ARHGAP22: variants seen among roughly 807,000 people sequenced by gnomAD.
ARHGAP22 encodes Rho GTPase activating protein 22.
In ARHGAP22, 48 loss-of-function variants were observed where a neutral mutation model predicts 59.1. That is an observed-to-expected ratio of 0.81 (90% CI 0.64 to 1.03). The LOEUF (loss-of-function observed/expected upper bound fraction) is 1.03. Among genes scored for constraint, ARHGAP22 ranks in the 50% least tolerant of loss-of-function variants. The probability of loss-of-function intolerance (pLI) is 0.00; values close to 1 mark genes in which losing one functional copy is unlikely to be tolerated. For synonymous variants in ARHGAP22, 445 were observed against 416.4 expected, an observed-to-expected ratio of 1.07 and a Z score of -0.84; for missense variants, 1,015 against 958.7, an observed-to-expected ratio of 1.06 and a Z score of -0.78.
At chr10:48,589,412 A>G (rs779405176) in intron 1 of ARHGAP22, among the ~76,000 whole-genome samples, 14 of 152,062 alleles carry the variant, frequency 9.2e-5, no homozygotes, top group Non-Finnish European at 1.8e-4. Flanking sequence ...TCTCTATTTC[A>G]TTATGAATCC....
intron 2 of ARHGAP22, among the ~76,000 whole-genome samples, chr10:48,569,245 G>T (rs2058251510): frequency 6.6e-6 from 1 of 152,206 alleles, no homozygotes; most frequent in Non-Finnish European, 1.5e-5. Flanking sequence ...CCCTGGCTGT[G>T]CCAGGCTGAT....
chr10:48,461,020 C>T (rs1323035538), intron 4 of ARHGAP22, among the ~76,000 whole-genome samples: 1 of 152,204 alleles, frequency 6.6e-6, no homozygotes, highest in East Asian at 1.9e-4. Context: ...CACAGAGTCT[C>T]AGCTTTGCAA....
intron 3 of ARHGAP22, among the ~76,000 whole-genome samples, chr10:48,502,756 T>A (rs1227447780): frequency 1.3e-5 from 2 of 152,218 alleles, no homozygotes; most frequent in Admixed American, 6.5e-5. Flanking sequence ...TATCCCATTC[T>A]TCCTCCCATA....
intron 1 of ARHGAP22, among the ~76,000 whole-genome samples, chr10:48,636,245 A>C (rs1427866363): frequency 6.6e-6 from 1 of 152,186 alleles, no homozygotes; most frequent in Non-Finnish European, 1.5e-5. Flanking sequence ...CGATAAAGGC[A>C]TGTTAGCTGT....
At chr10:48,596,346 G>T (rs2060065795) in intron 1 of ARHGAP22, among the ~76,000 whole-genome samples, 1 of 152,200 alleles carries the variant, frequency 6.6e-6, no homozygotes, top group Non-Finnish European at 1.5e-5. Flanking sequence ...GCTAACGGGG[G>T]ACAGATGCCC....
At chr10:48,628,809 G>A (rs1234657184) in intron 1 of ARHGAP22, among the ~76,000 whole-genome samples, 1 of 152,050 alleles carries the variant, frequency 6.6e-6, no homozygotes, top group East Asian at 1.9e-4. Context: ...ATAGGACATG[G>A]GGCCACAGTG....
rs758362629 is a variant in ARHGAP22, at chr10:48,450,862, G to T, written c.1267C>A (p.Gln423Lys). 1.3e-6 allele frequency: 2 copies of T among 1,590,610 alleles called. No individual in the cohort carries two copies. The highest frequency in any genetic ancestry group is 2.2e-5 in the East Asian group (1 of 44,616). Residue 423 changes from glutamine (Q) to lysine (K), a missense_variant, in exon 9 of 10, where the codon CAG becomes AAG. Transcript: ENST00000249601. ...GSRCSPGKKV[Q>K]TLPSWKSSFR... Reference sequence around the variant, plus strand: ...GAGGACTTCCAACTGGGCAGGGTCTGCACCTTCTTCCCAGGGCTGCACCGG... The same window carrying T: ...GAGGACTTCCAACTGGGCAGGGTCTTCACCTTCTTCCCAGGGCTGCACCGG...
At chr10:48,547,758 G>C (rs115373132) in intron 3 of ARHGAP22, among the ~76,000 whole-genome samples, 1 of 152,242 alleles carries the variant, frequency 6.6e-6, no homozygotes. Context: ...AATTGCTCCT[G>C]AGTGTGGGGG....
intron 4 of ARHGAP22, among the ~76,000 whole-genome samples, chr10:48,474,162 A>G (rs541352866): frequency 6.6e-6 from 1 of 152,218 alleles, no homozygotes; most frequent in South Asian, 2.1e-4. Flanking sequence ...TATAAGTTTT[A>G]TACTTTTTTT....
chr10:48,437,493 T>C, the ARHGAP22 span: 1 of 152,224 alleles, frequency 6.6e-6, no homozygotes, highest in Non-Finnish European at 1.5e-5. Context: ...AAAGTTATTT[T>C]GACCAAGATT....
chr10:48,615,666 G>C, intron 1 of ARHGAP22, among the ~76,000 whole-genome samples: 1 of 152,164 alleles, frequency 6.6e-6, no homozygotes. Context: ...TCAGATATTG[G>C]ACTTACTAGA....
chr10:48,557,155 T>C lies in ARHGAP22; in HGVS notation c.235-1605A>G, dbSNP rs909124378. 4.6e-5 allele frequency among the ~76,000 whole-genome samples: 7 copies of C among 152,320 alleles called. No individual in the cohort carries two copies. The East Asian group carries it at 1.2e-3, about 25-fold the overall frequency. ...ACTTTCTTGCTAGAGAACTTGGAGC[T>C]ACTGGAAATACATTAGGATAGCAGC... On this transcript the variant is annotated intron_variant, in intron 2 of 9. Transcript: ENST00000249601.
exon 1 of ARHGAP22, chr10:48,652,420 A>C: frequency 1.4e-6 from 1 of 737,024 alleles, no homozygotes; most frequent in Non-Finnish European, 2.3e-6. Context: ...ATATATTTAG[A>C]ATGCCCTTTA....
chr10:48,443,212 T>G (rs754872439), downstream of ARHGAP22, among the ~76,000 whole-genome samples: 1 of 152,190 alleles, frequency 6.6e-6, no homozygotes, highest in Non-Finnish European at 1.5e-5. Context: ...TGTACAGACA[T>G]GCTCAAGAGT....
At chr10:48,493,462 T>A (rs1443733444) in intron 3 of ARHGAP22, 8 of 1,536,074 alleles carry the variant, frequency 5.2e-6, no homozygotes, top group Non-Finnish European at 7.0e-6. Context: ...CCTGCTCCTC[T>A]TCAGACACCT....
chr10:48,551,371 A>G (rs1414853294), intron 3 of ARHGAP22, among the ~76,000 whole-genome samples: 2 of 152,210 alleles, frequency 1.3e-5, no homozygotes, highest in South Asian at 2.1e-4. Context: ...GAGGCTTCAC[A>G]TTCTGCTCCT....
intron 5 of ARHGAP22, among the ~76,000 whole-genome samples, chr10:48,459,236 C>G (rs1324476019): frequency 2.6e-5 from 4 of 152,190 alleles, no homozygotes; most frequent in Non-Finnish European, 5.9e-5. Context: ...GAGACTCGCT[C>G]TCCTGTCCCC....
At chr10:48,516,922 C>A (rs2053344590) in intron 3 of ARHGAP22, among the ~76,000 whole-genome samples, 1 of 152,186 alleles carries the variant, frequency 6.6e-6, no homozygotes, top group Non-Finnish European at 1.5e-5. Flanking sequence ...GAATATTACT[C>A]AGCCTTAAAA....
chr10:48,500,006 A>G (rs2051338563), intron 3 of ARHGAP22, among the ~76,000 whole-genome samples: 1 of 152,008 alleles, frequency 6.6e-6, no homozygotes, highest in Non-Finnish European at 1.5e-5. Flanking sequence ...TTTGAAAGAA[A>G]ACATAGTGAA....
Sources: allele counts gnomAD v4.1 joint callset (sites outside exome capture counted in the v4.1 genomes callset), GRCh38; gene constraint gnomAD v4.1.1; transcripts MANE v1.5; gene names NCBI Gene and HGNC (gene_info 2026-07-23, HGNC 2026-07-21).